Variants in ZNF564 observed in about 807,000 individuals in gnomAD.
The protein encoded by ZNF564 is zinc finger protein 564.
In ZNF564, 5 loss-of-function variants were observed where a neutral mutation model predicts 10.5. The observed-to-expected ratio is 0.48, with a 90% CI of 0.25 to 1.00. The LOEUF (loss-of-function observed/expected upper bound fraction) is 1.00, where lower values mean the gene tolerates loss of function less well. Among genes scored for constraint, ZNF564 ranks in the 50% least tolerant of loss-of-function variants. ZNF564 has a pLI of 0.16. For missense variants in ZNF564, 603 were observed against 669.7 expected, an observed-to-expected ratio of 0.90 and a Z score of 1.10; for synonymous variants, 242 against 218.1, an observed-to-expected ratio of 1.11 and a Z score of -0.97.
At chr19:12,532,826 T>C (rs1488676250) in intron 1 of ZNF564, 1 of 152,142 alleles carries the variant, frequency 6.6e-6, no homozygotes, top group Non-Finnish European at 1.5e-5. Context: ...CAACCCTTAG[T>C]GTGTGTTTGC....
chr19:12,532,377 T>A (rs542643031), intron 1 of ZNF564, among the ~76,000 whole-genome samples: 1 of 149,570 alleles, frequency 6.7e-6, no homozygotes, highest in Non-Finnish European at 1.5e-5. Context: ...CTACTAAAAA[T>A]ACAAAAAATT....
intron 1 of ZNF564, among the ~76,000 whole-genome samples, chr19:12,533,513 G>C (rs1276081428): frequency 6.6e-6 from 1 of 152,050 alleles, no homozygotes; most frequent in East Asian, 1.9e-4. Flanking sequence ...GATTACTTGA[G>C]GCCAGGAATT....
Position 12,551,319 on chromosome 19 carries a change from C to A in ZNF564, c.3+11G>T. 6.2e-7 allele frequency: 1 copy of A among 1,607,438 alleles called. No homozygotes were observed. The highest frequency in any genetic ancestry group is 8.5e-7 in the Non-Finnish European group (1 of 1,177,162). On this transcript the variant is annotated intron_variant, in intron 1 of 3. Coordinates refer to ENST00000339282, the MANE Select transcript of ZNF564 (RefSeq NM_144976.4). ...CCCCCAGTCTCCAGGCGCCCGGCCCCGCACACGCACCATTTCCTGGCTTCC... is the reference window on the plus strand; with the variant it reads ...CCCCCAGTCTCCAGGCGCCCGGCCCAGCACACGCACCATTTCCTGGCTTCC...
At chr19:12,538,376 A>C (rs2145080613) in intron 1 of ZNF564, among the ~76,000 whole-genome samples, 1 of 152,108 alleles carries the variant, frequency 6.6e-6, no homozygotes, top group African/African-American at 2.4e-5. Flanking sequence ...CTGTAATCCC[A>C]GCACTTTGGG....
intron 1 of ZNF564, chr19:12,529,735 C>A (rs12984267): frequency 0.58 from 87,896 of 151,896 alleles, 27,393 homozygotes; most frequent in Non-Finnish European, 0.69. Flanking sequence ...GTAATCCCAA[C>A]ACTTTGGGAG....
intron 1 of ZNF564, among the ~76,000 whole-genome samples, chr19:12,537,630 G>A (rs1262907383): frequency 1.3e-5 from 2 of 151,914 alleles, no homozygotes; most frequent in South Asian, 2.1e-4. Context: ...CCCAGTTACT[G>A]GGGAGGCTGA....
At chr19:12,533,670 T>C (rs910751648) in intron 1 of ZNF564, among the ~76,000 whole-genome samples, 2 of 126,498 alleles carry the variant, frequency 1.6e-5, no homozygotes, top group African/African-American at 3.1e-5. Flanking sequence ...GAGGTTACAG[T>C]GAGCCAAGAT....
chr19:12,526,027 A>G lies in ZNF564; in HGVS notation c.*419T>C, dbSNP rs897254963. 1.3e-5 allele frequency: 2 copies of G among 157,876 alleles called. No individual in the cohort carries two copies. Among genetic ancestry groups the G allele is most frequent in the Non-Finnish European group, 2.8e-5 (2 of 71,666 alleles). The allele number at this position is 157,876 out of a possible 1,614,324, so 9.8% of individuals were successfully genotyped here. ...GGGCACGGGGGTAAGGTTTCAACATATGAATCTGAGGTGGCATACACTCAG... is the reference window on the plus strand; with the variant it reads ...GGGCACGGGGGTAAGGTTTCAACATGTGAATCTGAGGTGGCATACACTCAG... On this transcript the variant is annotated 3_prime_UTR_variant, in exon 4 of 4. Coordinates refer to ENST00000339282, the MANE Select transcript of ZNF564 (RefSeq NM_144976.4).
At chr19:12,530,441 T>G (rs1194902405) in intron 1 of ZNF564, among the ~76,000 whole-genome samples, 1 of 152,108 alleles carries the variant, frequency 6.6e-6, no homozygotes, top group Non-Finnish European at 1.5e-5. Context: ...TCCCACCTAT[T>G]TTTACCTTAC....
At chr19:12,549,156 CCT>C (rs1402197083) in intron 1 of ZNF564, among the ~76,000 whole-genome samples, 1 of 152,162 alleles carries the variant, frequency 6.6e-6, no homozygotes, top group Non-Finnish European at 1.5e-5. Context: ...CTACTTTCTG[CCT>C]CTTTCTCCCC....
rs1346678299 is a variant in ZNF564, at chr19:12,535,937, C to T, written c.4-7241G>A. Among the ~76,000 whole-genome samples the T allele has an allele frequency of 6.0e-5, 9 of 150,484 alleles. No individual in the cohort carries two copies. The South Asian group carries it at 1.0e-3, about 18-fold the overall frequency. ...CTGAGGCAGGAGAATTGCTTGAACC[C>T]GGGAGGTGCAGGTTGCACTGAGCTG... On this transcript the variant is annotated intron_variant, in intron 1 of 3. Transcript: ENST00000339282.
At chr19:12,532,235 T>A (rs116556306) in intron 1 of ZNF564, among the ~76,000 whole-genome samples, 5,062 of 149,312 alleles carry the variant, frequency 0.034, 221 homozygotes, top group African/African-American at 0.1. Flanking sequence ...AAAAAAAATT[T>A]AAAAAAAAAA....
Position 12,526,788 on chromosome 19 carries a change from CAT to C in ZNF564, c.1318_1319del (p.Met440AspfsTer10), listed in dbSNP as rs764089254. ...FISLKRIRKH[M>X]ILHTGDGPYK... ...AAGGTCCATCTCCAGTGTGCAGTATCATATGTTTTCTAATCCTTTTAAGAGAA... is the reference window on the plus strand; with the variant it reads ...AAGGTCCATCTCCAGTGTGCAGTATCATGTTTTCTAATCCTTTTAAGAGAA... On this transcript the variant is annotated frameshift_variant, in exon 4 of 4. Coordinates refer to ENST00000339282, the MANE Select transcript of ZNF564 (RefSeq NM_144976.4). LOFTEE classifies it low-confidence loss of function (END_TRUNC). 32 of 1,613,882 alleles carry C rather than the reference CAT, an allele frequency of 2.0e-5. No individual in the cohort carries two copies. Among genetic ancestry groups the C allele is most frequent in the Admixed American group, 1.2e-4 (7 of 59,964 alleles).
intron 1 of ZNF564, among the ~76,000 whole-genome samples, chr19:12,532,286 A>G (rs191802880): frequency 1.1e-4 from 17 of 151,840 alleles, no homozygotes; most frequent in Admixed American, 6.6e-5. Flanking sequence ...CTGTAATCCC[A>G]GCACTTTGGG....
At chr19:12,542,780 G>A (rs2022082457) in intron 1 of ZNF564, among the ~76,000 whole-genome samples, 1 of 151,290 alleles carries the variant, frequency 6.6e-6, no homozygotes, top group African/African-American at 2.4e-5. Context: ...GAGGTGGGTG[G>A]ATCACCTGAG....
intron 1 of ZNF564, among the ~76,000 whole-genome samples, chr19:12,549,719 C>T (rs1038239437): frequency 1.2e-4 from 18 of 152,090 alleles, no homozygotes; most frequent in African/African-American, 4.3e-4. Flanking sequence ...AGACTCCTCC[C>T]ACCTCAGGGC....
chr19:12,528,335 C>A lies in ZNF564; in HGVS notation c.160G>T (p.Asp54Tyr). ...ATTCTCCCCTGATTTTTGTACCAAT[C>A]TTCAATGCTCTGGTCTTCCCATTTT... ...GKKWEDQSIEDWYKNQGRILR... is the reference protein window; with the variant it reads ...GKKWEDQSIEYWYKNQGRILR... The change falls in exon 3 of 4, where the codon GAT becomes TAT. Residue 54 changes from aspartate (D) to tyrosine (Y), a missense_variant. Transcript: ENST00000339282. 6.2e-7 allele frequency: 1 copy of A among 1,610,682 alleles called. No homozygotes were observed. Among genetic ancestry groups the A allele is most frequent in the Non-Finnish European group, 8.5e-7 (1 of 1,179,266 alleles).
At chr19:12,541,665 T>C (rs1390093742) in intron 1 of ZNF564, 1 of 152,160 alleles carries the variant, frequency 6.6e-6, no homozygotes, top group Admixed American at 6.6e-5. Context: ...ATACAGTGCT[T>C]TATTTAATTC....
chr19:12,542,925 C>A (rs1025881992), intron 1 of ZNF564, among the ~76,000 whole-genome samples: 13 of 151,910 alleles, frequency 8.6e-5, no homozygotes, highest in African/African-American at 2.7e-4. Context: ...TCAATTGAAT[C>A]CCGGAGGCAG....
Sources: gnomAD v4.1 joint callset for allele counts (sites outside exome capture counted in the v4.1 genomes callset) on GRCh38, gnomAD v4.1.1 for gene constraint, MANE v1.5 for transcripts, NCBI Gene and HGNC (gene_info 2026-07-23, HGNC 2026-07-21) for gene names.